CD109: variants seen among roughly 807,000 people sequenced by gnomAD.
CD109 encodes CD109 molecule.
A neutral mutation model predicts 165.8 loss-of-function variants in CD109; 149 were observed. The ratio of observed to expected loss-of-function variants is 0.90; its 90% confidence interval spans 0.79 to 1.03. The LOEUF is 1.03. CD109 is among the 50% of genes least tolerant of loss of function. The probability of loss-of-function intolerance (pLI) is 0.00; values close to 1 mark genes in which losing one functional copy is unlikely to be tolerated. For synonymous variants in CD109, 585 were observed against 592.1 expected, an observed-to-expected ratio of 0.99 and a Z score of 0.18; for missense variants, 1,712 against 1,677.8, an observed-to-expected ratio of 1.02 and a Z score of -0.36.
rs1239439103 is a variant in CD109, at chr6:73,759,043, TC to T, written c.758+16del. ...ATCACGGCAAAGTAAGTGTCATTTT[TC>T]TTTTGATATGACTCAAAACCATTAT... On this transcript the variant is annotated intron_variant, in intron 7 of 32. Transcript: ENST00000287097. 5 of 1,479,596 alleles carry T rather than the reference TC, an allele frequency of 3.4e-6. No individual in the cohort carries two copies. Among genetic ancestry groups the T allele is most frequent in the Non-Finnish European group, 4.7e-6 (5 of 1,059,962 alleles). The allele number at this position is 1,479,596 out of a possible 1,614,324, so 91.7% of individuals were successfully genotyped here.
Position 73,824,156 on chromosome 6 carries a change from T to C in CD109, c.*523T>C, listed in dbSNP as rs1189046373. On this transcript the variant is annotated 3_prime_UTR_variant, in exon 33 of 33. Coordinates refer to ENST00000287097, the MANE Select transcript of CD109 (RefSeq NM_133493.5). ...TAGATACTTCTTAACTGGAAATTCT[T>C]TCTTTTCAGAATCTAGGTGGTGAAT... is the stretch of plus-strand genomic sequence containing the variant. 1 of 149,172 alleles carries C rather than the reference T, an allele frequency of 6.7e-6. No homozygotes were observed. Among genetic ancestry groups the C allele is most frequent in the Non-Finnish European group, 1.5e-5 (1 of 67,320 alleles). 9.2% of individuals were successfully genotyped at this position (149,172 alleles called of 1,614,324 possible). A position where few individuals can be genotyped will look rare whatever the true frequency, so the allele number is the denominator to read the frequency against.
intron 30 of CD109, among the ~76,000 whole-genome samples, chr6:73,817,822 C>T (rs149808328): frequency 2.6e-5 from 4 of 152,192 alleles, no homozygotes; most frequent in East Asian, 1.9e-4. Context: ...AATTCCCTCA[C>T]GGTGGCCAAA....
At chr6:73,785,949 A>T (rs1227610025) in intron 20 of CD109, among the ~76,000 whole-genome samples, 1 of 150,588 alleles carries the variant, frequency 6.6e-6, no homozygotes. Context: ...GGTTCAAGTG[A>T]TTCTCCTGCC....
chr6:73,774,168 CT>C (rs1774150328), intron 15 of CD109, among the ~76,000 whole-genome samples: 1 of 152,086 alleles, frequency 6.6e-6, no homozygotes, highest in Admixed American at 6.6e-5. Context: ...TTGAATTGAA[CT>C]TTTCAGTAAT....
intron 5 of CD109, among the ~76,000 whole-genome samples, chr6:73,755,583 T>C (rs1773359745): frequency 6.6e-6 from 1 of 152,190 alleles, no homozygotes; most frequent in South Asian, 2.1e-4. Flanking sequence ...AAATTTACAA[T>C]GCAAATTTCA....
chr6:73,697,912 A>G (rs1297005852), intron 2 of CD109, among the ~76,000 whole-genome samples: 2 of 152,234 alleles, frequency 1.3e-5, no homozygotes, highest in South Asian at 2.1e-4. Context: ...AATAGCTTAC[A>G]TCACTACTGC....
the CD109 span, among the ~76,000 whole-genome samples, chr6:73,685,502 C>A: frequency 6.6e-6 from 1 of 151,884 alleles, no homozygotes; most frequent in African/African-American, 2.4e-5. Flanking sequence ...TTTATTAGTT[C>A]TAACTTTTTT....
At position 73,814,975 on chromosome 6, in the gene CD109, T is replaced by C; in HGVS notation, c.3769-6T>C. ...CTTGTTATTTATGCTAGTTTATTTT[T>C]TACAGCTCAATGTTGTATATAATGT... is the stretch of plus-strand genomic sequence containing the variant. On this transcript the variant is annotated splice_region_variant and splice_polypyrimidine_tract_variant and intron_variant, in intron 29 of 32. Transcript: ENST00000287097. 6.7e-7 allele frequency: 1 copy of C among 1,483,002 alleles called. No individual in the cohort carries two copies. 91.9% of individuals were successfully genotyped at this position (1,483,002 alleles called of 1,614,324 possible). A position where few individuals can be genotyped will look rare whatever the true frequency, so the allele number is the denominator to read the frequency against.
rs116279554 is a variant in CD109 at position 73,728,607 on chromosome 6, C to T, written c.277-1737C>T. Among the ~76,000 whole-genome samples, 432 of 152,258 alleles carry T rather than the reference C, an allele frequency of 2.8e-3. 2 individuals carry two copies. The highest frequency in any genetic ancestry group is 9.7e-3 in the African/African-American group (401 of 41,548). ...GTATTTCCAAGTAAATTGCAGACAT[C>T]AATACTCTTCTCCCTAAATATTGCT... On this transcript the variant is annotated intron_variant, in intron 3 of 32. Transcript: ENST00000287097.
At chr6:73,741,286 T>C (rs1250878300) in intron 5 of CD109, among the ~76,000 whole-genome samples, 1 of 152,194 alleles carries the variant, frequency 6.6e-6, no homozygotes. Flanking sequence ...TTGGGGATTG[T>C]ACTTCTTCTC....
intron 3 of CD109, among the ~76,000 whole-genome samples, chr6:73,727,389 T>C (rs1216697433): frequency 6.6e-6 from 1 of 152,126 alleles, no homozygotes; most frequent in African/African-American, 2.4e-5. Context: ...GCCCTGGGAC[T>C]AACACTGAGT....
chr6:73,709,471 C>G (rs1323272661), intron 2 of CD109, among the ~76,000 whole-genome samples: 2 of 152,168 alleles, frequency 1.3e-5, no homozygotes, highest in Non-Finnish European at 2.9e-5. Flanking sequence ...TTAGGATTGA[C>G]TTGGCAATGT....
At chr6:73,805,839 T>C (rs1380087961) in intron 24 of CD109, among the ~76,000 whole-genome samples, 3 of 152,172 alleles carry the variant, frequency 2.0e-5, no homozygotes, top group Admixed American at 2.0e-4. Flanking sequence ...CAGCACATGT[T>C]TCAGAGGGCA....
rs1426369673 is a variant in CD109 at position 73,827,453 on chromosome 6, TTCTATCA to T, written c.*3826_*3832del. Reference sequence around the variant, plus strand: ...TAGCACTTTTAAGAAATTAGAATTTTTCTATCATCTATGCAAATGATATTTATGTTAA... The same window carrying T: ...TAGCACTTTTAAGAAATTAGAATTTTTCTATGCAAATGATATTTATGTTAA... On this transcript the variant is annotated 3_prime_UTR_variant, in exon 33 of 33. Coordinates refer to ENST00000287097, the MANE Select transcript of CD109 (RefSeq NM_133493.5). The T allele has an allele frequency of 6.6e-6, 1 of 152,202 alleles. No homozygotes were observed. The highest frequency in any genetic ancestry group is 1.9e-4 in the East Asian group (1 of 5,204). 9.4% of individuals were successfully genotyped at this position (152,202 alleles called of 1,614,324 possible).
the CD109 span, among the ~76,000 whole-genome samples, chr6:73,679,470 G>A: frequency 6.6e-6 from 1 of 150,906 alleles, no homozygotes; most frequent in African/African-American, 2.4e-5. Context: ...CCCTAATCCT[G>A]TACCCTTGGA....
chr6:73,824,746 G>T lies in CD109; in HGVS notation c.*1113G>T, dbSNP rs2150316445. On this transcript the variant is annotated 3_prime_UTR_variant, in exon 33 of 33. Coordinates refer to ENST00000287097, the MANE Select transcript of CD109 (RefSeq NM_133493.5). ...GAGCACCTCAATCTTTAATTGCCCT[G>T]TATTCCGAAGGGTAATATAATTTAT... The T allele has an allele frequency of 6.6e-6, 1 of 152,216 alleles. No individual in the cohort carries two copies. Among genetic ancestry groups the T allele is most frequent in the East Asian group, 1.9e-4 (1 of 5,178 alleles). 9.4% of individuals were successfully genotyped at this position (152,216 alleles called of 1,614,324 possible).
chr6:73,818,499 A>G lies in CD109; in HGVS notation c.4023A>G (p.Glu1341=), dbSNP rs563120651. The change falls in exon 31 of 33, where the codon GAA becomes GAG. Residue 1341 remains glutamate, a synonymous_variant. Coordinates refer to ENST00000287097, the MANE Select transcript of CD109 (RefSeq NM_133493.5). The part of the protein sequence containing the change: ...ISLSETVKKV[E]YDHGKLNLYL... Reference sequence around the variant, plus strand: ...TGAGCGAGACAGTGAAGAAAGTGGAATATGATCATGGAAAACTCAACCTCT... The same window carrying G: ...TGAGCGAGACAGTGAAGAAAGTGGAGTATGATCATGGAAAACTCAACCTCT... 3.1e-6 allele frequency: 5 copies of G among 1,613,316 alleles called. No homozygotes were observed. The South Asian group carries it at 4.4e-5, about 14-fold the overall frequency.
intron 3 of CD109, among the ~76,000 whole-genome samples, chr6:73,725,278 T>C (rs1772092080): frequency 6.6e-6 from 1 of 152,124 alleles, no homozygotes; most frequent in Non-Finnish European, 1.5e-5. Flanking sequence ...CTGTGTCGTA[T>C]ATTTGCCCTA....
chr6:73,699,262 C>G (rs1479551885), intron 2 of CD109, among the ~76,000 whole-genome samples: 1 of 152,182 alleles, frequency 6.6e-6, no homozygotes, highest in Non-Finnish European at 1.5e-5. Context: ...GGGTACCACA[C>G]TTATCACCTG....
Sources: allele counts gnomAD v4.1 joint callset (sites outside exome capture counted in the v4.1 genomes callset), GRCh38; gene constraint gnomAD v4.1.1; transcripts MANE v1.5; gene names NCBI Gene and HGNC (gene_info 2026-07-23, HGNC 2026-07-21).